The following SOX6 variants were observed in gnomAD, a reference collection of about 807,000 sequenced individuals.
SOX6 encodes the protein SRY-box transcription factor 6.
A neutral mutation model predicts 97.8 loss-of-function variants in SOX6; 11 were observed. The ratio of observed to expected loss-of-function variants is 0.11; its 90% CI spans 0.07 to 0.19. SOX6 has a LOEUF of 0.19. SOX6 is among the 10% of genes least tolerant of loss of function. SOX6 has a pLI of 1.00. For missense variants in SOX6, 810 were observed against 1,039.5 expected, an observed-to-expected ratio of 0.78 and a Z score of 3.04; for synonymous variants, 360 against 371.4, an observed-to-expected ratio of 0.97 and a Z score of 0.35.
intron 4 of SOX6, among the ~76,000 whole-genome samples, chr11:16,569,663 T>A (rs1209157237): frequency 6.6e-6 from 1 of 152,008 alleles, no homozygotes; most frequent in African/African-American, 2.4e-5. Context: ...GGTCAGAAGT[T>A]CGAGACCATC....
At chr11:16,246,025 T>C (rs1232032759) in intron 3 of SOX6, among the ~76,000 whole-genome samples, 1 of 151,370 alleles carries the variant, frequency 6.6e-6, no homozygotes, top group African/African-American at 2.4e-5. Context: ...TTATTTTTTT[T>C]AGAATTCTAC....
chr11:16,031,726 T>A, intron 12 of SOX6, among the ~76,000 whole-genome samples: 1 of 143,920 alleles, frequency 6.9e-6, no homozygotes. Context: ...AGAGGGAGGG[T>A]GGAAAAATAA....
chr11:16,402,761 G>C, intron 1 of SOX6: 1 of 1,604,792 alleles, frequency 6.2e-7, no homozygotes, highest in Non-Finnish European at 8.5e-7. Context: ...GAAATATTAG[G>C]AAAAAAAACA....
At chr11:16,474,357 T>C (rs1007488261) in intron 1 of SOX6, among the ~76,000 whole-genome samples, 2 of 152,256 alleles carry the variant, frequency 1.3e-5, no homozygotes, top group East Asian at 3.8e-4. Context: ...CAATTTACGT[T>C]GCCCAGATCA....
At chr11:16,481,044 G>A (rs1341798062), upstream of SOX6, among the ~76,000 whole-genome samples, 2 of 152,062 alleles carry the variant, frequency 1.3e-5, no homozygotes, top group Non-Finnish European at 2.9e-5. Context: ...GCAAATTCAA[G>A]TGGGTTTTGC....
chr11:16,552,297 G>A (rs1282040492), intron 4 of SOX6, among the ~76,000 whole-genome samples: 11 of 152,060 alleles, frequency 7.2e-5, no homozygotes, highest in Admixed American at 5.2e-4. Context: ...CTGTATAGCC[G>A]ACATTTTAAA....
chr11:16,102,957 T>C (rs1011308660), intron 7 of SOX6, among the ~76,000 whole-genome samples: 1 of 151,968 alleles, frequency 6.6e-6, no homozygotes, highest in African/African-American at 2.4e-5. Context: ...CTTCTAGACA[T>C]TGGCTTAGGC....
chr11:16,236,739 T>G (rs1853036381), intron 3 of SOX6, among the ~76,000 whole-genome samples: 1 of 151,950 alleles, frequency 6.6e-6, no homozygotes, highest in Admixed American at 6.6e-5. Context: ...TGTCTCTCAT[T>G]TCTATAAATA....
Position 16,545,926 on chromosome 11 carries a change from T to G in SOX6, n.609+66155A>C, listed in dbSNP as rs115110267. On this transcript the variant is annotated intron_variant and non_coding_transcript_variant, in intron 4 of 5. Coordinates refer to the SOX6 transcript ENST00000524520. ...ATGATCATGCCATCGCACTCCAGCT[T>G]GGGTGACACAGCAGGACTTTGTCTA... 2.9e-3 allele frequency among the ~76,000 whole-genome samples: 440 copies of G among 152,248 alleles called. 5 individuals carry two copies. The highest frequency in any genetic ancestry group is 9.9e-3 in the African/African-American group (410 of 41,548).
chr11:16,575,366 T>C (rs891273475), intron 4 of SOX6, among the ~76,000 whole-genome samples: 2 of 152,174 alleles, frequency 1.3e-5, no homozygotes, highest in Non-Finnish European at 2.9e-5. Flanking sequence ...AGGCATATTG[T>C]CTGACTCAAC....
At chr11:16,131,903 G>T (rs1435926571) in intron 6 of SOX6, among the ~76,000 whole-genome samples, 3 of 151,912 alleles carry the variant, frequency 2.0e-5, no homozygotes, top group East Asian at 3.9e-4. Context: ...TAGGCCCAGG[G>T]TTTCAATGGG....
At chr11:16,057,345 T>G (rs1847841991) in intron 9 of SOX6, among the ~76,000 whole-genome samples, 1 of 152,212 alleles carries the variant, frequency 6.6e-6, no homozygotes, top group African/African-American at 2.4e-5. Flanking sequence ...ATTTTATTTC[T>G]CAACTTTTTA....
chr11:16,671,669 A>T (rs1564865114), intron 3 of SOX6, among the ~76,000 whole-genome samples: 1 of 152,356 alleles, frequency 6.6e-6, no homozygotes, highest in East Asian at 1.9e-4. Context: ...CAAATCTACT[A>T]ATCGTTGGCA....
At chr11:16,318,346 GCACTTCT>G in intron 3 of SOX6, 93 bp downstream of exon 3, 1 of 1,257,686 alleles carries the variant, frequency 8.0e-7, no homozygotes, top group South Asian at 1.2e-5. Context: ...TGACAATTAT[GCACTTCT>G]CTGACCCTTG....
chr11:16,410,544 C>G (rs557551069), intron 1 of SOX6, among the ~76,000 whole-genome samples: 1 of 151,974 alleles, frequency 6.6e-6, no homozygotes, highest in African/African-American at 2.4e-5. Context: ...ATTGCTTGAG[C>G]CCAGGAGTTC....
chr11:16,371,054 C>G (rs1857482747), intron 1 of SOX6, among the ~76,000 whole-genome samples: 1 of 152,112 alleles, frequency 6.6e-6, no homozygotes, highest in South Asian at 2.1e-4. Flanking sequence ...TCCCCATCTC[C>G]CACAGAGTAA....
chr11:16,560,331 A>G (rs1847794067), intron 4 of SOX6, among the ~76,000 whole-genome samples: 1 of 152,144 alleles, frequency 6.6e-6, no homozygotes, highest in Non-Finnish European at 1.5e-5. Flanking sequence ...CGTGTAATTG[A>G]CAGTGTTATT....
rs1246678555 is a variant in SOX6 at position 16,610,905 on chromosome 11, C to A, written n.609+1176G>T. 2.0e-5 allele frequency among the ~76,000 whole-genome samples: 3 copies of A among 152,214 alleles called. No homozygotes were observed. The highest frequency in any genetic ancestry group is 4.4e-5 in the Non-Finnish European group (3 of 68,028). Reference sequence around the variant, plus strand: ...CCCGGAGGAGCAGAGGGCACCCAGGCACGGTGGCCAGATCCAGGAACTCAT... The same window carrying A: ...CCCGGAGGAGCAGAGGGCACCCAGGAACGGTGGCCAGATCCAGGAACTCAT... On this transcript the variant is annotated intron_variant and non_coding_transcript_variant, in intron 4 of 5. Transcript: ENST00000524520. The surrounding 1 kb of genome is among the most constrained non-coding windows in gnomAD (Gnocchi z 4.4).
chr11:16,492,562 G>A (rs1860529025), intron 4 of SOX6, among the ~76,000 whole-genome samples: 1 of 152,156 alleles, frequency 6.6e-6, no homozygotes, highest in South Asian at 2.1e-4. Flanking sequence ...GGTTCTAAAA[G>A]AATCCAGTTC....
Sources: allele counts gnomAD v4.1 joint callset (sites outside exome capture counted in the v4.1 genomes callset), GRCh38; gene constraint gnomAD v4.1.1; non-coding constraint Gnocchi (gnomAD v3.1); transcripts MANE v1.5; gene names NCBI Gene and HGNC (gene_info 2026-07-23, HGNC 2026-07-21).